NELL1: variants seen among roughly 807,000 people sequenced by gnomAD.
The protein encoded by NELL1 is protein kinase C-binding protein NELL1.
NELL1 carries 76 observed loss-of-function variants against 107.4 expected under a neutral mutation model. The ratio of observed to expected loss-of-function variants is 0.71; its 90% CI spans 0.59 to 0.86. NELL1 has a LOEUF of 0.86. Among genes scored for constraint, NELL1 ranks in the 40% least tolerant of loss-of-function variants. NELL1 has a pLI of 0.00. For synonymous variants in NELL1, 353 were observed against 341.2 expected, an observed-to-expected ratio of 1.03 and a Z score of -0.38; for missense variants, 1,024 against 1,005.5, an observed-to-expected ratio of 1.02 and a Z score of -0.25.
chr11:21,574,573 T>C (rs528623787), intron 19 of NELL1, among the ~76,000 whole-genome samples: 1 of 151,988 alleles, frequency 6.6e-6, no homozygotes, highest in African/African-American at 2.4e-5. Context: ...GCCTGAAGAT[T>C]GTTGGGGGTA....
intron 13 of NELL1, among the ~76,000 whole-genome samples, chr11:21,212,297 A>G (rs1857514703): frequency 6.6e-6 from 1 of 152,230 alleles, no homozygotes; most frequent in African/African-American, 2.4e-5. Flanking sequence ...TCTGGCTCAT[A>G]TAGTATGAGC....
intron 2 of NELL1, among the ~76,000 whole-genome samples, chr11:20,763,143 C>A (rs564642968): frequency 6.6e-6 from 1 of 152,250 alleles, no homozygotes; most frequent in African/African-American, 2.4e-5. Flanking sequence ...TGGCCTCTCT[C>A]CTCCCTGGGG....
At chr11:20,900,624 G>C (rs949347069) in intron 5 of NELL1, among the ~76,000 whole-genome samples, 1 of 152,082 alleles carries the variant, frequency 6.6e-6, no homozygotes, top group Non-Finnish European at 1.5e-5. Flanking sequence ...TATGAGCATA[G>C]GTCACCTTGA....
intron 14 of NELL1, among the ~76,000 whole-genome samples, chr11:21,329,265 G>C (rs1239678076): frequency 6.6e-6 from 1 of 151,454 alleles, no homozygotes; most frequent in Non-Finnish European, 1.5e-5. Context: ...GTTCTCACAG[G>C]ATGGTTTTAT....
chr11:21,366,527 A>T (rs1283226072), intron 14 of NELL1, among the ~76,000 whole-genome samples: 2 of 152,140 alleles, frequency 1.3e-5, no homozygotes, highest in African/African-American at 4.8e-5. Context: ...GCTACCCAAA[A>T]TAAAGCTGGA....
At chr11:21,240,766 TG>T (rs150046714) in intron 14 of NELL1, among the ~76,000 whole-genome samples, 19,258 of 61,504 alleles carry the variant, frequency 0.31, 1,370 homozygotes, top group Non-Finnish European at 0.4. Context: ...GCCTTTCTAG[TG>T]GGGGGGGGGA....
chr11:21,223,405 A>G (rs1210089356), intron 13 of NELL1, among the ~76,000 whole-genome samples: 1 of 151,704 alleles, frequency 6.6e-6, no homozygotes, highest in Non-Finnish European at 1.5e-5. Context: ...TTTGATATCT[A>G]TTTGTGTGGA....
chr11:21,365,928 T>C (rs1257725413), intron 14 of NELL1, among the ~76,000 whole-genome samples: 2 of 152,250 alleles, frequency 1.3e-5, no homozygotes, highest in African/African-American at 4.8e-5. Context: ...ATCACCACTA[T>C]TGACATTTTG....
intron 12 of NELL1, among the ~76,000 whole-genome samples, chr11:21,078,025 C>T (rs1261663526): frequency 6.6e-6 from 1 of 151,866 alleles, no homozygotes; most frequent in Non-Finnish European, 1.5e-5. Context: ...CTCCAGGTAA[C>T]AATAATAGAG....
intron 12 of NELL1, among the ~76,000 whole-genome samples, chr11:20,970,729 A>T (rs1189158583): frequency 1.3e-5 from 2 of 152,118 alleles, no homozygotes; most frequent in Non-Finnish European, 2.9e-5. Context: ...AGGAGATGAG[A>T]GTAAAGATAT....
chr11:20,848,757 T>C (rs1030254079), intron 4 of NELL1, among the ~76,000 whole-genome samples: 4 of 152,124 alleles, frequency 2.6e-5, no homozygotes, highest in Non-Finnish European at 5.9e-5. Context: ...GCATTTCTCA[T>C]GAGGAGATGC....
intron 2 of NELL1, among the ~76,000 whole-genome samples, chr11:20,697,145 T>C (rs1295718349): frequency 2.6e-5 from 4 of 152,168 alleles, no homozygotes; most frequent in Admixed American, 2.6e-4. Flanking sequence ...AATGAGTGTC[T>C]ATGGGTAAGG....
chr11:21,460,107 G>A (rs1853862777), intron 15 of NELL1, among the ~76,000 whole-genome samples: 1 of 152,032 alleles, frequency 6.6e-6, no homozygotes. Flanking sequence ...GATAGGGGTT[G>A]TTTACTTTGG....
At chr11:20,839,703 A>G (rs1848589122) in intron 3 of NELL1, among the ~76,000 whole-genome samples, 1 of 152,222 alleles carries the variant, frequency 6.6e-6, no homozygotes, top group Admixed American at 6.5e-5. Context: ...CATGGATTGA[A>G]TGGCAGAGGG....
intron 15 of NELL1, among the ~76,000 whole-genome samples, chr11:21,388,080 T>G (rs756960565): frequency 7.7e-3 from 145 of 18,846 alleles, no homozygotes; most frequent in Non-Finnish European, 0.013. Flanking sequence ...AAATTCTATG[T>G]TTTTTTTTTT....
chr11:21,507,892 T>G (rs1305391301), intron 15 of NELL1, among the ~76,000 whole-genome samples: 2 of 151,846 alleles, frequency 1.3e-5, no homozygotes, highest in African/African-American at 4.8e-5. Context: ...GCGATTCTCC[T>G]GCCTCAGCCT....
At chr11:20,970,849 A>G (rs888672579) in intron 12 of NELL1, among the ~76,000 whole-genome samples, 1 of 152,112 alleles carries the variant, frequency 6.6e-6, no homozygotes, top group Non-Finnish European at 1.5e-5. Flanking sequence ...CAGTGGGTGC[A>G]AAACTGGATC....
intron 12 of NELL1, among the ~76,000 whole-genome samples, chr11:21,103,200 G>C (rs1854864163): frequency 1.3e-5 from 2 of 152,138 alleles, no homozygotes; most frequent in East Asian, 3.8e-4. Flanking sequence ...TTAATCATTG[G>C]TTAATTTGAT....
intron 16 of NELL1, among the ~76,000 whole-genome samples, chr11:21,559,004 T>C (rs1856788946): frequency 6.6e-6 from 1 of 152,116 alleles, no homozygotes; most frequent in South Asian, 2.1e-4. Context: ...CATCATAATT[T>C]GGGATCTTTT....
Sources: gnomAD v4.1 joint callset for allele counts (sites outside exome capture counted in the v4.1 genomes callset) on GRCh38, gnomAD v4.1.1 for gene constraint, MANE v1.5 for transcripts, NCBI Gene and HGNC (gene_info 2026-07-23, HGNC 2026-07-21) for gene names.